Variants in PSD4 observed in about 807,000 individuals in gnomAD.
The protein encoded by PSD4 is pleckstrin and Sec7 domain containing 4, also known as PH and SEC7 domain-containing protein 4.
In PSD4, 59 loss-of-function variants were observed where a neutral mutation model predicts 112.5. The ratio of observed to expected loss-of-function variants is 0.52; its 90% CI spans 0.43 to 0.65. PSD4 has a LOEUF of 0.65. Ranked by LOEUF, PSD4 falls within the 30% of genes least tolerant of loss-of-function variation. The pLI is 0.00. For synonymous variants in PSD4, 533 were observed against 540.0 expected (o/e 0.99, Z 0.18); for missense variants, 1,267 against 1,352.6 (o/e 0.94, Z 0.99).
In PSD4 at chr2:113,183,469, C is replaced by CCT; in HGVS notation, c.1013_1014insCT (p.Glu339LeufsTer33). On this transcript the variant is annotated frameshift_variant, in exon 2 of 17. Coordinates refer to ENST00000245796, the MANE Select transcript of PSD4 (RefSeq NM_012455.3). LOFTEE classifies it high-confidence loss of function. ...ATCTGCTGGGCCTCAGTGGCTGCCG[C>CCT]TGAGGGGGCTCCTGCAGCACCTCCT... 3 of 1,590,920 alleles carry CCT rather than the reference C, an allele frequency of 1.9e-6. No individual in the cohort carries two copies. Among genetic ancestry groups the CCT allele is most frequent in the Non-Finnish European group, 2.6e-6 (3 of 1,169,830 alleles).
intron 4 of PSD4, 103 bp downstream of exon 4, chr2:113,185,543 T>A: frequency 3.8e-6 from 6 of 1,597,280 alleles, no homozygotes; most frequent in Non-Finnish European, 5.1e-6. Flanking sequence ...CATTAATGGG[T>A]CCCATTATAT....
chr2:113,195,035 A>G (rs1249766667), intron 10 of PSD4, among the ~76,000 whole-genome samples: 1 of 152,240 alleles, frequency 6.6e-6, no homozygotes, highest in African/African-American at 2.4e-5. Flanking sequence ...GGGATTGGTC[A>G]GCCAGTTTCT....
rs1688204453 is a variant in PSD4 at position 113,183,346 on chromosome 2, T to C, written c.890T>C (p.Leu297Pro). ...LEPPLPEDTV[L>P]WELESEPDLG... is the part of the protein sequence containing the mutation. ...CCTCCCCTCCCAGAAGACACAGTGC[T>C]GTGGGAGCTGGAAAGTGAGCCAGAT... Residue 297 changes from leucine to proline, a missense_variant, in exon 2 of 17, where the codon CTG (leucine) becomes CCG (proline). Transcript: ENST00000245796. The C allele has an allele frequency of 6.3e-7, 1 of 1,594,472 alleles. No homozygotes were observed. The highest frequency in any genetic ancestry group is 1.3e-5 in the African/African-American group (1 of 74,432).
rs771602306 is a variant in PSD4, at chr2:113,182,472, A to G, written c.16A>G (p.Arg6Gly). 6.2e-7 allele frequency: 1 copy of G among 1,610,924 alleles called. No homozygotes were observed. Among genetic ancestry groups the G allele is most frequent in the Non-Finnish European group, 8.5e-7 (1 of 1,177,862 alleles). Residue 6 changes from arginine to glycine, a missense_variant, in exon 2 of 17, where the codon AGA (arginine) becomes GGA (glycine). Physicochemically the swap from Arg to Gly is moderately radical, Grantham distance 125. Transcript: ENST00000245796. ...TGCTCAGTGGATGATGGGTGACTAC[A>G]GACTCCCTGACCACCCCCAGCCCAT... MMGDY[R>G]LPDHPQPMEI...
At chr2:113,175,695 A>G (rs1687955184) in intron 1 of PSD4, among the ~76,000 whole-genome samples, 1 of 152,206 alleles carries the variant, frequency 6.6e-6, no homozygotes, top group Non-Finnish European at 1.5e-5. Context: ...AAGCTCAAAA[A>G]GGGAAACAGA....
In PSD4 at chr2:113,209,206, C is replaced by T. The variant is rs911838745; in HGVS notation, c.*7791C>T. Reference sequence around the variant, plus strand: ...CCACTAAGAGACTGAAGGCCAATTCCGGATCAACTTTACAGCCGCCTACGG... The same window carrying T: ...CCACTAAGAGACTGAAGGCCAATTCTGGATCAACTTTACAGCCGCCTACGG... On this transcript the variant is annotated 3_prime_UTR_variant, in exon 17 of 17. Transcript: ENST00000245796. 6.6e-6 allele frequency: 1 copy of T among 152,172 alleles called. No homozygotes were observed. The highest frequency in any genetic ancestry group is 2.4e-5 in the African/African-American group (1 of 41,446). The allele number at this position is 152,172 out of a possible 1,614,324, so 9.4% of individuals were successfully genotyped here.
rs548872259 is a variant in PSD4 at position 113,193,024 on chromosome 2, T to C, written c.1839-24T>C. The stretch of plus-strand genomic sequence containing the variant: ...CCCAGCCCAGGCCCCTGGTGCAGAC[T>C]CCATGCCCCTTTTCCCTCTGCAGCA... On this transcript the variant is annotated intron_variant, in intron 6 of 16. Transcript: ENST00000245796. The C allele has an allele frequency of 4.5e-5, 72 of 1,607,876 alleles. No homozygotes were observed. In the South Asian group the frequency reaches 7.5e-4, roughly 17 times the overall value.
At position 113,197,881 on chromosome 2, in the gene PSD4, G is replaced by T. The variant is rs777277042; in HGVS notation, c.2592G>T (p.Thr864=). ...TKKPHVFQLR[T]ADWRLYLFQA... ...AGCCGCACGTCTTCCAGCTGCGCAC[G>T]GCTGACTGGCGCCTCTACCTCTTCC... Residue 864 remains threonine, a synonymous_variant, in exon 14 of 17, where the codon ACG becomes ACT. Transcript: ENST00000245796. 1.3e-6 allele frequency: 2 copies of T among 1,598,748 alleles called. No individual in the cohort carries two copies. Among genetic ancestry groups the T allele is most frequent in the Non-Finnish European group, 1.7e-6 (2 of 1,169,646 alleles).
chr2:113,193,659 G>A lies in PSD4; in HGVS notation c.2091+9G>A. 6.2e-7 allele frequency: 1 copy of A among 1,611,668 alleles called. No individual in the cohort carries two copies. Among genetic ancestry groups the A allele is most frequent in the Non-Finnish European group, 8.5e-7 (1 of 1,177,730 alleles). On this transcript the variant is annotated intron_variant, in intron 9 of 16. Coordinates refer to ENST00000245796, the MANE Select transcript of PSD4 (RefSeq NM_012455.3). ...CGGACCTGCATGGACAGGTAAGACG[G>A]TGGAGAGAGTCCCTGTGGGAACTGA...
In PSD4 at chr2:113,197,756, G is replaced by A; in HGVS notation, c.2467G>A (p.Asp823Asn). 1 of 1,608,672 alleles carries A rather than the reference G, an allele frequency of 6.2e-7. No homozygotes were observed. Among genetic ancestry groups the A allele is most frequent in the Non-Finnish European group, 8.5e-7 (1 of 1,175,654 alleles). Residue 823 changes from aspartate to asparagine, a missense_variant, in exon 14 of 17, where the codon GAC becomes AAC. This residue lies in a region of PSD4 where 544 missense variants were observed against 648.6 expected (regional missense o/e 0.84). Transcript: ENST00000245796. ...CCCCTGTGACTGGTAGCAGGGAGAA[G>A]ACCACTGTCTGGAGGGGGAGAGCTT... ...MVLYFLKQGE[D>N]HCLEGESLVG...
chr2:113,188,618 TG>T (rs1406530460), intron 5 of PSD4, among the ~76,000 whole-genome samples: 2 of 151,744 alleles, frequency 1.3e-5, no homozygotes, highest in African/African-American at 4.8e-5. Flanking sequence ...TCTCACTCTG[TG>T]GCCCAGGCTG....
intron 16 of PSD4, among the ~76,000 whole-genome samples, chr2:113,200,605 T>C (rs1011501283): frequency 7.9e-5 from 12 of 152,188 alleles, no homozygotes; most frequent in African/African-American, 2.9e-4. Context: ...CCGCAATGAT[T>C]TGTCCCCTCC....
intron 3 of PSD4, 70 bp from the exon 4 acceptor site, chr2:113,185,295 C>T (rs999974644): frequency 6.3e-7 from 1 of 1,592,812 alleles, no homozygotes; most frequent in African/African-American, 1.3e-5. Flanking sequence ...CTTCTCCCTG[C>T]CTGGCCTCTC....
At chr2:113,176,235 G>A (rs893310540) in intron 1 of PSD4, among the ~76,000 whole-genome samples, 36 of 152,210 alleles carry the variant, frequency 2.4e-4, no homozygotes, top group African/African-American at 8.2e-4. Flanking sequence ...AGCACCGTCC[G>A]GGTGCCAGGT....
rs1000780969 is a variant in PSD4 at position 113,174,929 on chromosome 2, C to T, written c.-112+875C>T. Among the ~76,000 whole-genome samples the T allele has an allele frequency of 3.3e-5, 5 of 152,168 alleles. 1 individual carries two copies. Among genetic ancestry groups the T allele is most frequent in the Non-Finnish European group, 2.9e-5 (2 of 68,038 alleles). On this transcript the variant is annotated intron_variant, in intron 1 of 16. Coordinates refer to ENST00000245796, the MANE Select transcript of PSD4 (RefSeq NM_012455.3). ...CATTAGCTGATGATAAATACTCCTC[C>T]GTTCATTGGACCTTGGACCAGCTTT...
rs1357828686 is a variant in PSD4, at chr2:113,206,337, C to T, written c.*4922C>T. 6.6e-6 allele frequency: 1 copy of T among 152,294 alleles called. No individual in the cohort carries two copies. Among genetic ancestry groups the T allele is most frequent in the Non-Finnish European group, 1.5e-5 (1 of 68,082 alleles). 9.4% of individuals were successfully genotyped at this position (152,294 alleles called of 1,614,324 possible). A position where few individuals can be genotyped will look rare whatever the true frequency, so the allele number is the denominator to read the frequency against. ...TCACACCTTACAAATCGGCGTCCACCCCACCTTTGCCTGAAATGGCACCTC... is the reference window on the plus strand; with the variant it reads ...TCACACCTTACAAATCGGCGTCCACTCCACCTTTGCCTGAAATGGCACCTC... On this transcript the variant is annotated 3_prime_UTR_variant, in exon 17 of 17. Coordinates refer to ENST00000245796, the MANE Select transcript of PSD4 (RefSeq NM_012455.3).
In PSD4 at chr2:113,204,322, G is replaced by C. The variant is rs1392769525; in HGVS notation, c.*2907G>C. 1 of 152,306 alleles carries C rather than the reference G, an allele frequency of 6.6e-6. No homozygotes were observed. The highest frequency in any genetic ancestry group is 1.5e-5 in the Non-Finnish European group (1 of 68,086). The allele number at this position is 152,306 out of a possible 1,614,324, so 9.4% of individuals were successfully genotyped here. On this transcript the variant is annotated 3_prime_UTR_variant, in exon 17 of 17. Transcript: ENST00000245796. Reference sequence around the variant, plus strand: ...TCTGACATCTTCCTGCAGATGGAGAGAAAGAAAGACATCTCAGAAGTCTAT... The same window carrying C: ...TCTGACATCTTCCTGCAGATGGAGACAAAGAAAGACATCTCAGAAGTCTAT...
chr2:113,190,740 C>A, intron 5 of PSD4, among the ~76,000 whole-genome samples: 1 of 152,222 alleles, frequency 6.6e-6, no homozygotes, highest in East Asian at 1.9e-4. Context: ...TAGGCATGAG[C>A]CACTGCACCC....
rs781665781 is a variant in PSD4, at chr2:113,182,446, T to A, written c.-11T>A. Reference sequence around the variant, plus strand: ...GCTCCGGGGCACTCCTGGGCAGCTTTTGCTCAGTGGATGATGGGTGACTAC... The same window carrying A: ...GCTCCGGGGCACTCCTGGGCAGCTTATGCTCAGTGGATGATGGGTGACTAC... On this transcript the variant is annotated 5_prime_UTR_variant, in exon 2 of 17. It adds an upstream start codon to the 5' untranslated region. Transcript: ENST00000245796. 3 of 1,594,084 alleles carry A rather than the reference T, an allele frequency of 1.9e-6. No homozygotes were observed. In the South Asian group the frequency reaches 3.4e-5, roughly 18 times the overall value.
Sources: gnomAD v4.1 joint callset for allele counts (sites outside exome capture counted in the v4.1 genomes callset) on GRCh38, gnomAD v4.1.1 for gene constraint, gnomAD v4.1.1 regional missense constraint, MANE v1.5 for transcripts, NCBI Gene and HGNC (gene_info 2026-07-23, HGNC 2026-07-21) for gene names.